The following SLC35E3 variants were observed in gnomAD, a reference collection of about 807,000 sequenced individuals.
The protein encoded by SLC35E3 is bladder cancer-overexpressed gene 1 protein.
In SLC35E3, 28 loss-of-function variants were observed where a neutral mutation model predicts 30.8. The ratio of observed to expected loss-of-function variants is 0.91; its 90% CI spans 0.67 to 1.25. SLC35E3 has a LOEUF of 1.25. Ranked by LOEUF, SLC35E3 falls within the 50% of genes most tolerant of loss-of-function variation. The pLI, the probability that SLC35E3 is intolerant of heterozygous loss-of-function variation, is 0.00. For synonymous variants in SLC35E3, 146 were observed against 149.2 expected, an observed-to-expected ratio of 0.98 and a Z score of 0.16; for missense variants, 365 against 375.4, an observed-to-expected ratio of 0.97 and a Z score of 0.23.
At position 68,752,119 on chromosome 12, in the gene SLC35E3, G is replaced by A. The variant is rs747035683; in HGVS notation, c.601G>A (p.Val201Ile). The change falls in exon 3 of 5, where the codon GTT becomes ATT. Residue 201 changes from valine to isoleucine, a missense_variant. Transcript: ENST00000398004. ...TCCGATGTCATCTGCCATGTTGCTG[G>A]TTGCTGTGCCCTTCTTTGAGCCAGT... ...QAPMSSAMLL[V>I]AVPFFEPVFG... 1.9e-6 allele frequency: 3 copies of A among 1,613,948 alleles called. No individual in the cohort carries two copies. Among genetic ancestry groups the A allele is most frequent in the East Asian group, 4.5e-5 (2 of 44,880 alleles).
intron 4 of SLC35E3, among the ~76,000 whole-genome samples, chr12:68,763,207 A>G (rs902836967): frequency 1.3e-5 from 2 of 152,160 alleles, no homozygotes; most frequent in African/African-American, 2.4e-5. Flanking sequence ...TAACCGTGGG[A>G]GGTAAACCCC....
chr12:68,752,301 CGT>C, intron 3 of SLC35E3, 111 bp downstream of exon 3: 1 of 1,054,468 alleles, frequency 9.5e-7, no homozygotes, highest in Non-Finnish European at 1.4e-6. Context: ...TCACATTTAT[CGT>C]CATAATCACC....
intron 4 of SLC35E3, among the ~76,000 whole-genome samples, chr12:68,762,882 C>T (rs1260826662): frequency 6.6e-6 from 1 of 152,168 alleles, no homozygotes; most frequent in South Asian, 2.1e-4. Context: ...TGCTGCCCAG[C>T]GGGAACCTCC....
At chr12:68,755,144 A>T (rs1412088375) in intron 3 of SLC35E3, among the ~76,000 whole-genome samples, 1 of 152,204 alleles carries the variant, frequency 6.6e-6, no homozygotes, top group African/African-American at 2.4e-5. Flanking sequence ...TCTTCTTATC[A>T]TAGGGACTAA....
intron 2 of SLC35E3, 114 bp downstream of exon 2, chr12:68,748,154 C>T: frequency 3.2e-6 from 2 of 626,496 alleles, no homozygotes; most frequent in South Asian, 2.1e-5. Flanking sequence ...GGGAAGAAAG[C>T]ATAATTGCAT....
chr12:68,753,806 C>CCGTACACA (rs1555181503), intron 3 of SLC35E3, among the ~76,000 whole-genome samples: 1 of 23,370 alleles, frequency 4.3e-5, no homozygotes, highest in Non-Finnish European at 9.8e-5. Flanking sequence ...CCGTATATAT[C>CCGTACACA]CATACACACA....
At chr12:68,754,281 T>C (rs544135765) in intron 3 of SLC35E3, among the ~76,000 whole-genome samples, 41 of 152,108 alleles carry the variant, frequency 2.7e-4, no homozygotes, top group Non-Finnish European at 5.1e-4. Context: ...TTGTTGTTTT[T>C]GTTTTGTTTT....
At chr12:68,763,633 C>T (rs185390068) in intron 4 of SLC35E3, among the ~76,000 whole-genome samples, 48 of 152,254 alleles carry the variant, frequency 3.2e-4, no homozygotes, top group African/African-American at 1.0e-3. Flanking sequence ...AGGTGATCCA[C>T]GCCCCTTGGC....
At chr12:68,747,504 G>A (rs554589758) in intron 1 of SLC35E3, among the ~76,000 whole-genome samples, 5 of 152,154 alleles carry the variant, frequency 3.3e-5, no homozygotes, top group Non-Finnish European at 7.4e-5. Context: ...CTGACCTCAG[G>A]TGATCTGCCC....
At chr12:68,755,400 C>G (rs1298105944) in intron 3 of SLC35E3, among the ~76,000 whole-genome samples, 1 of 152,144 alleles carries the variant, frequency 6.6e-6, no homozygotes, top group East Asian at 1.9e-4. Flanking sequence ...CTATATAGCC[C>G]TTAGTCTGTT....
At chr12:68,753,705 CT>C (rs1207124700) in intron 3 of SLC35E3, among the ~76,000 whole-genome samples, 1 of 151,888 alleles carries the variant, frequency 6.6e-6, no homozygotes, top group East Asian at 1.9e-4. Context: ...CCATTACCCC[CT>C]AATCTTCCAC....
At chr12:68,750,072 G>A (rs1003380186) in intron 2 of SLC35E3, among the ~76,000 whole-genome samples, 7 of 151,976 alleles carry the variant, frequency 4.6e-5, no homozygotes, top group Non-Finnish European at 7.4e-5. Context: ...CTAGGGCGGT[G>A]GGAATGGACA....
rs1879588067 is a variant in SLC35E3 at position 68,770,988 on chromosome 12, T to A, written c.*6098T>A. On this transcript the variant is annotated 3_prime_UTR_variant, in exon 5 of 5. Transcript: ENST00000398004. ...TGATACTGAGATATCCAATTAAAGA[T>A]GTTGGCCAGGCATGGTGGCTCAGGC... 6.3e-6 allele frequency: 1 copy of A among 159,958 alleles called. No homozygotes were observed. The highest frequency in any genetic ancestry group is 1.4e-5 in the Non-Finnish European group (1 of 72,956). 9.9% of individuals were successfully genotyped at this position (159,958 alleles called of 1,614,324 possible).
rs1879537686 is a variant in SLC35E3, at chr12:68,769,232, A to C, written c.*4342A>C. 8.7e-6 allele frequency: 1 copy of C among 115,228 alleles called. No individual in the cohort carries two copies. Among genetic ancestry groups the C allele is most frequent in the African/African-American group, 3.7e-5 (1 of 26,828 alleles). The allele number at this position is 115,228 out of a possible 1,614,324, so 7.1% of individuals were successfully genotyped here. On this transcript the variant is annotated 3_prime_UTR_variant, in exon 5 of 5. Transcript: ENST00000398004. ...ACTCCAGCCTGGGCAACAGAGCAAG[A>C]CTCCATCTCAATAATAATAATAATA...
rs915607442 is a variant in SLC35E3, at chr12:68,776,808, G to T, written c.*11918G>T. On this transcript the variant is annotated 3_prime_UTR_variant, in exon 5 of 5. Coordinates refer to ENST00000398004, the MANE Select transcript of SLC35E3 (RefSeq NM_018656.5). ...GGTGGCATGTAGATTCATAAATGGC[G>T]TCCAAACCTGGAGCTGTTGCTGGCT... The T allele has an allele frequency of 6.6e-6, 1 of 152,118 alleles. No homozygotes were observed. Among genetic ancestry groups the T allele is most frequent in the African/African-American group, 2.4e-5 (1 of 41,410 alleles). The allele number at this position is 152,118 out of a possible 1,614,324, so 9.4% of individuals were successfully genotyped here.
chr12:68,770,942 G>T lies in SLC35E3; in HGVS notation c.*6052G>T. ...GAGGACTGAGGAGAGGGATGAGGCA[G>T]AGGAATATTATGGGCCTTCTTGATA... On this transcript the variant is annotated 3_prime_UTR_variant, in exon 5 of 5. Transcript: ENST00000398004. The T allele has an allele frequency of 5.3e-6, 1 of 187,680 alleles. No homozygotes were observed. Among genetic ancestry groups the T allele is most frequent in the East Asian group, 1.4e-4 (1 of 7,392 alleles). 11.6% of individuals were successfully genotyped at this position (187,680 alleles called of 1,614,324 possible). A position where few individuals can be genotyped will look rare whatever the true frequency, so the allele number is the denominator to read the frequency against.
chr12:68,761,706 A>G (rs1448496186), intron 4 of SLC35E3, among the ~76,000 whole-genome samples: 1 of 152,208 alleles, frequency 6.6e-6, no homozygotes, highest in African/African-American at 2.4e-5. Context: ...ACGATATTCT[A>G]ATTTAGAAGT....
At chr12:68,758,191 G>C (rs555090019) in intron 3 of SLC35E3, among the ~76,000 whole-genome samples, 21 of 151,954 alleles carry the variant, frequency 1.4e-4, no homozygotes, top group Non-Finnish European at 2.6e-4. Context: ...GGAGGCCGAG[G>C]TGGGTGGATC....
intron 4 of SLC35E3, among the ~76,000 whole-genome samples, chr12:68,759,720 A>T (rs1290766332): frequency 1.5e-4 from 23 of 151,648 alleles, no homozygotes; most frequent in Admixed American, 1.5e-3. Flanking sequence ...AAAAAAAAAG[A>T]AATATGAACT....
Sources: allele counts gnomAD v4.1 joint callset (sites outside exome capture counted in the v4.1 genomes callset), GRCh38; gene constraint gnomAD v4.1.1; transcripts MANE v1.5; gene names NCBI Gene and HGNC (gene_info 2026-07-23, HGNC 2026-07-21).